MAPDA: variants seen among roughly 807,000 people sequenced by gnomAD.
The protein encoded by MAPDA is N6,N6-dimethyl-AMP deaminase.
chr15:43,338,894 A>G, the MAPDA span, among the ~76,000 whole-genome samples: 5 of 152,348 alleles, frequency 3.3e-5, no homozygotes, highest in Admixed American at 6.5e-5. Flanking sequence ...TTGGTTTTAC[A>G]GGTACCTAGC....
chr15:43,345,857 T>C, the MAPDA span: 1 of 1,614,044 alleles, frequency 6.2e-7, no homozygotes, highest in Non-Finnish European at 8.5e-7. Context: ...ATTAAAGGTA[T>C]TTGATAGCAG....
At chr15:43,335,820 T>C in the MAPDA span, 6 of 1,612,916 alleles carry the variant, frequency 3.7e-6, no homozygotes, top group Non-Finnish European at 3.4e-6. Flanking sequence ...AAAAGAACTT[T>C]GGAAGAGTAA....
At chr15:43,338,047 T>C in the MAPDA span, among the ~76,000 whole-genome samples, 1 of 152,216 alleles carries the variant, frequency 6.6e-6, no homozygotes, top group Non-Finnish European at 1.5e-5. Context: ...CTCACTTTGT[T>C]GATGAGTGTT....
At chr15:43,344,857 C>T in the MAPDA span, among the ~76,000 whole-genome samples, 1 of 150,662 alleles carries the variant, frequency 6.6e-6, no homozygotes, top group Non-Finnish European at 1.5e-5. Context: ...GTATTCAAGT[C>T]TTATAGAATT....
chr15:43,351,092 A>C, the MAPDA span: 1 of 1,473,226 alleles, frequency 6.8e-7, no homozygotes. Flanking sequence ...CCTGAGTTGC[A>C]TTAATTCAGA....
chr15:43,335,240 C>G, the MAPDA span: 1 of 1,554,224 alleles, frequency 6.4e-7, no homozygotes, highest in African/African-American at 1.4e-5. Context: ...TTCTTTTCAT[C>G]AAAGTAAATT....
chr15:43,334,897 C>T, the MAPDA span: 2 of 455,628 alleles, frequency 4.4e-6, no homozygotes, highest in Non-Finnish European at 7.7e-6. Flanking sequence ...TAACAAAATC[C>T]TGTTTCTTTG....
chr15:43,352,543 A>C, the MAPDA span: 1 of 152,208 alleles, frequency 6.6e-6, no homozygotes, highest in Non-Finnish European at 1.5e-5. Flanking sequence ...AAACAAAAAA[A>C]CAAAAAACCG....
chr15:43,331,389 T>G, the MAPDA span, among the ~76,000 whole-genome samples: 27 of 152,362 alleles, frequency 1.8e-4, no homozygotes, highest in African/African-American at 6.5e-4. Context: ...ATTGGGTGTC[T>G]GGGAGTCATC....
At chr15:43,351,788 A>C in the MAPDA span, 5 of 1,551,428 alleles carry the variant, frequency 3.2e-6, no homozygotes, top group Non-Finnish European at 4.4e-6. Flanking sequence ...CACCTTTCTC[A>C]AGAGTACCAG....
the MAPDA span, chr15:43,330,491 G>A: frequency 6.6e-7 from 1 of 1,517,404 alleles, no homozygotes; most frequent in South Asian, 1.3e-5. Flanking sequence ...GGGGCCCATG[G>A]CCAGAAGAGA....
chr15:43,332,654 G>A, the MAPDA span, among the ~76,000 whole-genome samples: 13 of 152,210 alleles, frequency 8.5e-5, no homozygotes, highest in Admixed American at 3.3e-4. Context: ...CTCAGGGGTT[G>A]TTGTGAGGAT....
the MAPDA span, among the ~76,000 whole-genome samples, chr15:43,336,064 C>A: frequency 6.6e-6 from 1 of 152,038 alleles, no homozygotes; most frequent in African/African-American, 2.4e-5. Flanking sequence ...TTTTTTGAGA[C>A]AGGATCTCAC....
chr15:43,352,178 T>G, the MAPDA span: 1 of 373,504 alleles, frequency 2.7e-6, no homozygotes, highest in Non-Finnish European at 4.8e-6. Flanking sequence ...TAAATCCCCA[T>G]TCCACCAGTG....
At chr15:43,330,557 C>G in the MAPDA span, 1 of 1,479,002 alleles carries the variant, frequency 6.8e-7, no homozygotes, top group Non-Finnish European at 8.9e-7. Flanking sequence ...GCACACACCT[C>G]ACGGACCTCG....
the MAPDA span, chr15:43,352,925 A>C: frequency 6.6e-6 from 1 of 152,070 alleles, no homozygotes; most frequent in Non-Finnish European, 1.5e-5. Context: ...AGGGGTGAGA[A>C]AGACAGAAAT....
chr15:43,339,904 A>G, the MAPDA span, among the ~76,000 whole-genome samples: 1 of 152,228 alleles, frequency 6.6e-6, no homozygotes, highest in Admixed American at 6.5e-5. Context: ...CTAGCAGTCT[A>G]CACATACAGA....
the MAPDA span, among the ~76,000 whole-genome samples, chr15:43,350,507 T>G: frequency 6.6e-6 from 1 of 152,180 alleles, no homozygotes; most frequent in Non-Finnish European, 1.5e-5. Flanking sequence ...CATTCTTAGC[T>G]CTTTATAATG....
the MAPDA span, among the ~76,000 whole-genome samples, chr15:43,339,380 A>G: frequency 6.6e-6 from 1 of 152,224 alleles, no homozygotes. Context: ...TCTTTAGTGG[A>G]AAAAGAAAAA....
Sources: gnomAD v4.1 joint callset for allele counts (sites outside exome capture counted in the v4.1 genomes callset) on GRCh38, gnomAD v4.1.1 for gene constraint, MANE v1.5 for transcripts, NCBI Gene and HGNC (gene_info 2026-07-23, HGNC 2026-07-21) for gene names.